Variants in RBP7 observed in about 807,000 individuals in gnomAD.
RBP7 encodes retinol binding protein 7, also known as retinoid-binding protein 7.
A neutral mutation model predicts 16.7 loss-of-function variants in RBP7; 13 were observed. That is an observed-to-expected ratio of 0.78 (90% CI 0.51 to 1.24). The LOEUF is 1.24. Ranked by LOEUF, RBP7 falls within the 50% of genes most tolerant of loss-of-function variation. RBP7 has a pLI of 0.00. For missense variants in RBP7, 145 were observed against 159.5 expected (o/e 0.91, Z 0.49); for synonymous variants, 54 against 56.2 (o/e 0.96, Z 0.17).
intron 2 of RBP7, 56 bp from the exon 3 acceptor site, chr1:10,008,117 G>A (rs11578833): frequency 0.024 from 27,976 of 1,175,816 alleles, 772 homozygotes; most frequent in Admixed American, 0.1. Flanking sequence ...ATTCTACTTC[G>A]TAACACTTGA....
chr1:9,998,991 T>C (rs751117830), intron 1 of RBP7, among the ~76,000 whole-genome samples: 30 of 151,846 alleles, frequency 2.0e-4, no homozygotes, highest in Non-Finnish European at 3.8e-4. Context: ...CTCATGGGAG[T>C]TGTAGTTCCC....
intron 3 of RBP7, among the ~76,000 whole-genome samples, chr1:10,009,365 G>A (rs923951107): frequency 5.3e-5 from 8 of 151,798 alleles, no homozygotes; most frequent in African/African-American, 1.5e-4. Context: ...AGCCAAGATC[G>A]CACCACTGCC....
chr1:10,013,414 G>T (rs911285297), intron 3 of RBP7, among the ~76,000 whole-genome samples: 1 of 152,030 alleles, frequency 6.6e-6, no homozygotes, highest in African/African-American at 2.4e-5. Flanking sequence ...GGGTGTGGTG[G>T]TTCACTTCCG....
rs781244915 is a variant in RBP7 at position 10,007,041 on chromosome 1, G to A, written c.74-529G>A. The A allele has an allele frequency of 7.9e-6, 3 of 378,524 alleles. No individual in the cohort carries two copies. The East Asian group carries it at 2.9e-4, about 37-fold the overall frequency. 23.4% of individuals were successfully genotyped at this position (378,524 alleles called of 1,614,324 possible). A position where few individuals can be genotyped will look rare whatever the true frequency, so the allele number is the denominator to read the frequency against. On this transcript the variant is annotated intron_variant, in intron 1 of 3. Coordinates refer to ENST00000294435, the MANE Select transcript of RBP7 (RefSeq NM_052960.3). ...GGCTCACTGCAACCTCCGCCTCCTGGGTTCAAGCAATTCTCCTACTTCAGC... is the reference window on the plus strand; with the variant it reads ...GGCTCACTGCAACCTCCGCCTCCTGAGTTCAAGCAATTCTCCTACTTCAGC...
At chr1:10,007,443 G>A in intron 1 of RBP7, 127 bp from the exon 2 acceptor site, 1 of 736,656 alleles carries the variant, frequency 1.4e-6, no homozygotes. Flanking sequence ...GATTTTGGCA[G>A]CAAACAACAT....
intron 3 of RBP7, among the ~76,000 whole-genome samples, chr1:10,012,523 G>A (rs1642652922): frequency 3.3e-5 from 5 of 152,230 alleles, no homozygotes; most frequent in Admixed American, 3.3e-4. Flanking sequence ...TGGGTGTGGT[G>A]GTACTTGCCT....
chr1:10,004,167 G>A (rs1327518916), intron 1 of RBP7: 1 of 148,976 alleles, frequency 6.7e-6, no homozygotes, highest in Non-Finnish European at 1.5e-5. Flanking sequence ...CCGTCTCCCC[G>A]GTTCAAACAA....
intron 1 of RBP7, among the ~76,000 whole-genome samples, chr1:10,004,857 G>C (rs1422915855): frequency 6.6e-6 from 1 of 152,116 alleles, no homozygotes; most frequent in East Asian, 1.9e-4. Context: ...GCCAGGTGTG[G>C]TGGCACATGC....
intron 3 of RBP7, among the ~76,000 whole-genome samples, chr1:10,012,895 C>G (rs926055157): frequency 2.1e-5 from 3 of 143,656 alleles, no homozygotes; most frequent in African/African-American, 7.8e-5. Context: ...GAGCCAAGAT[C>G]GCGCCACGGC....
At chr1:10,004,277 G>C (rs986377842) in intron 1 of RBP7, 4 of 151,336 alleles carry the variant, frequency 2.6e-5, no homozygotes, top group Non-Finnish European at 4.4e-5. Context: ...TCTCCATATT[G>C]GTCAGGCTGG....
intron 1 of RBP7, 110 bp from the exon 2 acceptor site, chr1:10,007,460 C>A: frequency 2.5e-6 from 2 of 808,762 alleles, no homozygotes; most frequent in Non-Finnish European, 3.9e-6. Flanking sequence ...ACATAGAAGT[C>A]GTACAGGAAA....
At chr1:9,999,814 C>CTTTT (rs70998341) in intron 1 of RBP7, among the ~76,000 whole-genome samples, 8 of 105,844 alleles carry the variant, frequency 7.6e-5, no homozygotes, top group African/African-American at 1.7e-4. Flanking sequence ...CTGTAATACT[C>CTTTT]TTTTTTTTTT....
chr1:10,011,065 A>T (rs1201299245), intron 3 of RBP7, among the ~76,000 whole-genome samples: 1 of 152,212 alleles, frequency 6.6e-6, no homozygotes, highest in Non-Finnish European at 1.5e-5. Flanking sequence ...AACATTTTCT[A>T]TACAAAGCTG....
chr1:10,010,859 T>C (rs1212684373), intron 3 of RBP7, among the ~76,000 whole-genome samples: 1 of 151,774 alleles, frequency 6.6e-6, no homozygotes, highest in Non-Finnish European at 1.5e-5. Context: ...GCTGGGATTA[T>C]AGGTGTAAGC....
chr1:10,012,405 C>A (rs1570735449), intron 3 of RBP7, among the ~76,000 whole-genome samples: 1 of 151,294 alleles, frequency 6.6e-6, no homozygotes, highest in South Asian at 2.1e-4. Flanking sequence ...AAGTAAGAAA[C>A]TTGCCTTCGC....
rs377035546 is a variant in RBP7 at position 10,005,312 on chromosome 1, A to G, written c.74-2258A>G. 3.2e-4 allele frequency among the ~76,000 whole-genome samples: 49 copies of G among 152,156 alleles called. 1 individual carries two copies. The highest frequency in any genetic ancestry group is 1.2e-3 in the African/African-American group (48 of 41,518). ...CTGCAACCTCCGCCTCCTGGGTTCA[A>G]CTGATTCTCCTGCCTCAGCCCGACC... On this transcript the variant is annotated intron_variant, in intron 1 of 3. Transcript: ENST00000294435.
chr1:9,998,812 A>G (rs77407441), intron 1 of RBP7, among the ~76,000 whole-genome samples: 7,244 of 152,162 alleles, frequency 0.048, 294 homozygotes, highest in African/African-American at 0.11. Flanking sequence ...GTATGGGAAA[A>G]GCACCTCTCA....
In RBP7 at chr1:10,015,922, C is replaced by A; in HGVS notation, c.*90C>A. ...ACAGACGTTTATCTATCCCATTTGG[C>A]GACGAGGACTCGTGGCTGGAGAGAG... is the stretch of plus-strand genomic sequence containing the variant. On this transcript the variant is annotated 3_prime_UTR_variant, in exon 4 of 4. Transcript: ENST00000294435. 1.6e-6 allele frequency: 2 copies of A among 1,252,198 alleles called. No homozygotes were observed. Among genetic ancestry groups the A allele is most frequent in the South Asian group, 1.2e-5 (1 of 82,486 alleles). The allele number at this position is 1,252,198 out of a possible 1,614,324, so 77.6% of individuals were successfully genotyped here. A position where few individuals can be genotyped will look rare whatever the true frequency, so the allele number is the denominator to read the frequency against.
intron 3 of RBP7, 35 bp downstream of exon 3, chr1:10,008,309 C>T (rs765434329): frequency 7.1e-7 from 1 of 1,399,384 alleles, no homozygotes; most frequent in South Asian, 1.2e-5. Flanking sequence ...TGAGATGATA[C>T]AGTATTAAAG....
Sources: allele counts gnomAD v4.1 joint callset (sites outside exome capture counted in the v4.1 genomes callset), GRCh38; gene constraint gnomAD v4.1.1; transcripts MANE v1.5; gene names NCBI Gene and HGNC (gene_info 2026-07-23, HGNC 2026-07-21).